WWOX: variants seen among roughly 807,000 people sequenced by gnomAD.
The protein encoded by WWOX is WW domain-containing oxidoreductase.
Under a neutral mutation model 46.2 loss-of-function variants are expected in WWOX, and 69 were observed. The ratio of observed to expected loss-of-function variants is 1.49; its 90% CI spans 1.23 to 1.82. WWOX has a LOEUF of 1.82. Ranked by LOEUF, WWOX falls within the 40% of genes most tolerant of loss-of-function variation. WWOX has a pLI of 0.00. For missense variants in WWOX, 919 were observed against 542.6 expected, an observed-to-expected ratio of 1.69 and a Z score of -6.89; for synonymous variants, 359 against 202.6, an observed-to-expected ratio of 1.77 and a Z score of -6.56.
At chr16:78,375,014 T>C (rs12596932) in intron 5 of WWOX, among the ~76,000 whole-genome samples, 8,235 of 152,270 alleles carry the variant, frequency 0.054, 285 homozygotes, top group East Asian at 0.12. Flanking sequence ...GGTATTATGG[T>C]GGGAACCCAT....
At chr16:78,632,112 A>G (rs906498131) in intron 8 of WWOX, among the ~76,000 whole-genome samples, 3 of 152,196 alleles carry the variant, frequency 2.0e-5, no homozygotes, top group Admixed American at 2.0e-4. Flanking sequence ...GAGCTGCTTG[A>G]TAGAAAAACA....
At chr16:78,464,357 G>A (rs920184599) in intron 8 of WWOX, among the ~76,000 whole-genome samples, 1 of 150,996 alleles carries the variant, frequency 6.6e-6, no homozygotes, top group African/African-American at 2.5e-5. Flanking sequence ...GAAGGAGGAA[G>A]AGAGGGAAGG....
At chr16:78,534,161 C>G (rs1055583151) in intron 8 of WWOX, among the ~76,000 whole-genome samples, 6 of 152,138 alleles carry the variant, frequency 3.9e-5, no homozygotes, top group African/African-American at 1.4e-4. Flanking sequence ...TGTGGACATC[C>G]TCGATGTATT....
At chr16:78,133,461 A>T (rs1046492374) in intron 4 of WWOX, among the ~76,000 whole-genome samples, 1 of 152,250 alleles carries the variant, frequency 6.6e-6, no homozygotes, top group South Asian at 2.1e-4. Context: ...GGGTTTCACC[A>T]TGTTGGCCAG....
chr16:78,196,150 A>G (rs1357797776), intron 5 of WWOX, among the ~76,000 whole-genome samples: 1 of 152,214 alleles, frequency 6.6e-6, no homozygotes, highest in Non-Finnish European at 1.5e-5. Flanking sequence ...GAAATAATCT[A>G]CCTTTAAGGA....
chr16:78,901,948 A>C (rs1160092429), intron 8 of WWOX, among the ~76,000 whole-genome samples: 1 of 152,204 alleles, frequency 6.6e-6, no homozygotes, highest in Non-Finnish European at 1.5e-5. Flanking sequence ...GATCAATCCC[A>C]TTCCCACTCC....
chr16:78,695,115 G>A (rs555741007), intron 8 of WWOX, among the ~76,000 whole-genome samples: 1 of 152,204 alleles, frequency 6.6e-6, no homozygotes, highest in East Asian at 1.9e-4. Flanking sequence ...CTACTCGTGG[G>A]ATTACAGGCA....
chr16:78,369,930 T>C (rs1490758697), intron 5 of WWOX, among the ~76,000 whole-genome samples: 4 of 151,812 alleles, frequency 2.6e-5, no homozygotes. Flanking sequence ...GCCAGGAGTT[T>C]GAGACCAGCC....
At chr16:78,408,543 C>T (rs1454190921) in intron 6 of WWOX, among the ~76,000 whole-genome samples, 2 of 152,162 alleles carry the variant, frequency 1.3e-5, no homozygotes, top group African/African-American at 2.4e-5. Flanking sequence ...CCTAGCTGAG[C>T]TAAGGAGCAG....
At chr16:78,954,487 G>T (rs1368914141) in intron 8 of WWOX, among the ~76,000 whole-genome samples, 1 of 152,214 alleles carries the variant, frequency 6.6e-6, no homozygotes, top group Non-Finnish European at 1.5e-5. Context: ...CTAAAAATCT[G>T]CATTGATAGC....
At chr16:78,310,453 C>T (rs1248933304) in intron 5 of WWOX, among the ~76,000 whole-genome samples, 1 of 152,210 alleles carries the variant, frequency 6.6e-6, no homozygotes, top group Admixed American at 6.5e-5. Context: ...GTTTTCAGCT[C>T]TGAGAGCAAG....
intron 8 of WWOX, among the ~76,000 whole-genome samples, chr16:79,009,079 C>T (rs576337496): frequency 6.6e-6 from 1 of 152,208 alleles, no homozygotes; most frequent in South Asian, 2.1e-4. Flanking sequence ...ATCCACGGAG[C>T]TGGCAGAGGG....
chr16:79,025,516 C>A (rs886172892), intron 8 of WWOX, among the ~76,000 whole-genome samples: 1 of 151,938 alleles, frequency 6.6e-6, no homozygotes, highest in African/African-American at 2.4e-5. Flanking sequence ...GGAGTGATTC[C>A]CCCACAAGCC....
intron 4 of WWOX, among the ~76,000 whole-genome samples, chr16:78,153,322 C>A (rs1286803405): frequency 1.3e-5 from 2 of 152,164 alleles, no homozygotes; most frequent in Non-Finnish European, 1.5e-5. Context: ...TGTCATGTCA[C>A]TGTAATTTCA....
intron 5 of WWOX, among the ~76,000 whole-genome samples, chr16:78,180,878 G>A (rs16947244): frequency 0.15 from 22,514 of 152,168 alleles, 2,024 homozygotes; most frequent in East Asian, 0.22. Flanking sequence ...GCTTGAGGGT[G>A]TCATCGAGAG....
At position 79,212,500 on chromosome 16, in the gene WWOX, C is replaced by G. The variant is rs192942549; in HGVS notation, c.*704C>G. The G allele has an allele frequency of 1.5e-5, 3 of 204,040 alleles. No individual in the cohort carries two copies. The highest frequency in any genetic ancestry group is 1.0e-4 in the Admixed American group (2 of 19,208). 12.6% of individuals were successfully genotyped at this position (204,040 alleles called of 1,614,324 possible). A position where few individuals can be genotyped will look rare whatever the true frequency, so the allele number is the denominator to read the frequency against. On this transcript the variant is annotated 3_prime_UTR_variant, in exon 9 of 9. Transcript: ENST00000566780. ...ATACCTTGAAAGGCAGGAAGGGAAGCGTATATACTTAAGAATACACAGGAT... is the reference window on the plus strand; with the variant it reads ...ATACCTTGAAAGGCAGGAAGGGAAGGGTATATACTTAAGAATACACAGGAT...
chr16:79,013,730 G>T (rs1158218807), intron 8 of WWOX, among the ~76,000 whole-genome samples: 1 of 152,240 alleles, frequency 6.6e-6, no homozygotes, highest in Non-Finnish European at 1.5e-5. Flanking sequence ...GGAGCTCCCG[G>T]AAGCAAAGCA....
intron 8 of WWOX, among the ~76,000 whole-genome samples, chr16:79,098,671 A>G (rs948894734): frequency 3.9e-5 from 6 of 152,210 alleles, no homozygotes; most frequent in Non-Finnish European, 1.5e-5. Flanking sequence ...CAGGGTGTAG[A>G]AGAAGGAATT....
intron 8 of WWOX, among the ~76,000 whole-genome samples, chr16:78,912,976 C>T (rs1019310577): frequency 6.6e-6 from 1 of 151,968 alleles, no homozygotes; most frequent in Non-Finnish European, 1.5e-5. Flanking sequence ...ACAAAGAACT[C>T]GGCATCCCAG....
Sources: gnomAD v4.1 joint callset for allele counts (sites outside exome capture counted in the v4.1 genomes callset) on GRCh38, gnomAD v4.1.1 for gene constraint, MANE v1.5 for transcripts, NCBI Gene and HGNC (gene_info 2026-07-23, HGNC 2026-07-21) for gene names.